The following CPQ variants were observed in gnomAD, a reference collection of about 807,000 sequenced individuals.
CPQ encodes the protein Ser-Met dipeptidase.
In CPQ, 37 loss-of-function variants were observed where a neutral mutation model predicts 45.7. That is an observed-to-expected ratio of 0.81 (90% CI 0.62 to 1.07). The LOEUF (loss-of-function observed/expected upper bound fraction) is 1.07, where lower values mean the gene tolerates loss of function less well. CPQ is among the 50% of genes least tolerant of loss of function. The pLI, the probability that CPQ is intolerant of heterozygous loss-of-function variation, is 0.00. For missense variants in CPQ, 537 were observed against 572.9 expected (o/e 0.94, Z 0.64); for synonymous variants, 186 against 205.8 (o/e 0.90, Z 0.82).
intron 1 of CPQ, among the ~76,000 whole-genome samples, chr8:96,702,903 T>A (rs962716538): frequency 6.6e-6 from 1 of 152,134 alleles, no homozygotes; most frequent in Non-Finnish European, 1.5e-5. Flanking sequence ...TGCTGAAGTG[T>A]TGTCTAGTGC....
intron 2 of CPQ, among the ~76,000 whole-genome samples, chr8:96,790,910 G>C (rs1014373888): frequency 1.7e-4 from 26 of 152,166 alleles, no homozygotes; most frequent in African/African-American, 6.3e-4. Flanking sequence ...GGGATAGCCA[G>C]TTTTGATCTC....
intron 4 of CPQ, among the ~76,000 whole-genome samples, chr8:96,938,395 C>T (rs1464614341): frequency 2.6e-5 from 4 of 152,110 alleles, no homozygotes; most frequent in Admixed American, 1.3e-4. Flanking sequence ...GGACCCTGGT[C>T]TCTAAACAAC....
chr8:96,960,609 G>A (rs1344829820), intron 4 of CPQ, among the ~76,000 whole-genome samples: 1 of 152,106 alleles, frequency 6.6e-6, no homozygotes, highest in Non-Finnish European at 1.5e-5. Context: ...TGTCTTTGAA[G>A]GTCACTGTGT....
chr8:97,088,878 T>C (rs1246293174), intron 7 of CPQ, among the ~76,000 whole-genome samples: 1 of 152,192 alleles, frequency 6.6e-6, no homozygotes, highest in Non-Finnish European at 1.5e-5. Flanking sequence ...ATAGATTGCC[T>C]GTAGCTTAGC....
At chr8:96,766,522 T>G (rs1351074235) in intron 1 of CPQ, among the ~76,000 whole-genome samples, 4 of 152,026 alleles carry the variant, frequency 2.6e-5, no homozygotes, top group African/African-American at 9.7e-5. Flanking sequence ...TGTAGGTGGG[T>G]GTGGAACAGA....
At chr8:96,951,247 C>T (rs1813260357) in intron 4 of CPQ, among the ~76,000 whole-genome samples, 1 of 152,050 alleles carries the variant, frequency 6.6e-6, no homozygotes, top group East Asian at 1.9e-4. Flanking sequence ...TCAGGAAATA[C>T]TTTTAGTCCC....
rs192316559 is a variant in CPQ at position 96,887,812 on chromosome 8, T to C, written c.849+7807T>C. Among the ~76,000 whole-genome samples the C allele has an allele frequency of 1.4e-3, 207 of 152,350 alleles. 2 individuals carry two copies. Among genetic ancestry groups the C allele is most frequent in the Admixed American group, 0.01 (154 of 15,300 alleles). ...TGGCGGTTGATGGTATTCAAACCCATTTTGATAAGGCCTTGATGCAGTGAA... is the reference window on the plus strand; with the variant it reads ...TGGCGGTTGATGGTATTCAAACCCACTTTGATAAGGCCTTGATGCAGTGAA... On this transcript the variant is annotated intron_variant, in intron 4 of 7. Transcript: ENST00000220763.
intron 1 of CPQ, among the ~76,000 whole-genome samples, chr8:96,743,368 T>C (rs1810124149): frequency 6.6e-6 from 1 of 151,748 alleles, no homozygotes; most frequent in African/African-American, 2.4e-5. Context: ...ATTCTAGTTA[T>C]ACATTCTTCT....
chr8:96,780,853 AG>A (rs2130805662), intron 1 of CPQ, among the ~76,000 whole-genome samples: 1 of 151,830 alleles, frequency 6.6e-6, no homozygotes, highest in East Asian at 1.9e-4. Flanking sequence ...ACACATTTCA[AG>A]GGCTCAATAT....
chr8:96,853,695 G>A (rs572894641), intron 3 of CPQ, among the ~76,000 whole-genome samples: 35 of 152,046 alleles, frequency 2.3e-4, no homozygotes, highest in Non-Finnish European at 4.6e-4. Context: ...AAACTTACTC[G>A]TGGAAAAGGC....
chr8:96,884,956 A>G (rs1182893360), intron 4 of CPQ, among the ~76,000 whole-genome samples: 4 of 152,238 alleles, frequency 2.6e-5, no homozygotes, highest in Non-Finnish European at 5.9e-5. Flanking sequence ...TGAAACTATC[A>G]TTATTCTGCC....
intron 7 of CPQ, among the ~76,000 whole-genome samples, chr8:97,097,006 C>T (rs1811220739): frequency 6.6e-6 from 1 of 152,198 alleles, no homozygotes; most frequent in Non-Finnish European, 1.5e-5. Context: ...ACTGAGGCTT[C>T]ATATATGAAC....
At chr8:97,113,306 G>A (rs75134666) in intron 7 of CPQ, among the ~76,000 whole-genome samples, 130 of 152,304 alleles carry the variant, frequency 8.5e-4, no homozygotes, top group Middle Eastern at 3.4e-3. Context: ...AGGAGACAGA[G>A]AGAGCAGCAG....
At chr8:96,673,498 T>A (rs143739060) in intron 1 of CPQ, among the ~76,000 whole-genome samples, 67 of 152,220 alleles carry the variant, frequency 4.4e-4, no homozygotes, top group African/African-American at 1.6e-3. Flanking sequence ...TCAGAGGTAC[T>A]TTCCATTTTT....
chr8:96,874,029 G>A (rs988233217), intron 3 of CPQ, among the ~76,000 whole-genome samples: 3 of 151,748 alleles, frequency 2.0e-5, no homozygotes, highest in African/African-American at 7.2e-5. Context: ...GTAGATCAAA[G>A]GAAAATATTC....
intron 3 of CPQ, among the ~76,000 whole-genome samples, chr8:96,857,330 C>G (rs946353970): frequency 6.6e-6 from 1 of 152,168 alleles, no homozygotes; most frequent in Non-Finnish European, 1.5e-5. Context: ...AACAAACACA[C>G]AAAAACCCCC....
intron 5 of CPQ, among the ~76,000 whole-genome samples, chr8:97,019,371 C>A (rs1809638118): frequency 1.3e-5 from 2 of 152,240 alleles, no homozygotes; most frequent in South Asian, 4.1e-4. Context: ...TGGAATGGTA[C>A]CTCACACCTC....
intron 4 of CPQ, among the ~76,000 whole-genome samples, chr8:96,925,930 T>C (rs1331520646): frequency 2.0e-5 from 3 of 151,954 alleles, no homozygotes; most frequent in African/African-American, 4.8e-5. Context: ...CCTCGTGATC[T>C]GCCCGCCTTG....
At position 96,670,271 on chromosome 8, in the gene CPQ, G is replaced by C. The variant is rs914495126; in HGVS notation, c.-35+24869G>C. Among the ~76,000 whole-genome samples the C allele has an allele frequency of 4.7e-5, 7 of 148,644 alleles. No individual in the cohort carries two copies. The East Asian group carries it at 1.0e-3, about 22-fold the overall frequency. On this transcript the variant is annotated intron_variant, in intron 1 of 7. Transcript: ENST00000220763. ...AAACAAGAAGGCAAAGTATTTACTTGTTTGACCTAGGCTAGGAACATGTGT... is the reference window on the plus strand; with the variant it reads ...AAACAAGAAGGCAAAGTATTTACTTCTTTGACCTAGGCTAGGAACATGTGT...
Sources: allele counts gnomAD v4.1 joint callset (sites outside exome capture counted in the v4.1 genomes callset), GRCh38; gene constraint gnomAD v4.1.1; transcripts MANE v1.5; gene names NCBI Gene and HGNC (gene_info 2026-07-23, HGNC 2026-07-21).